The following CEP290 variants were observed in gnomAD, a reference collection of about 807,000 sequenced individuals.
The protein encoded by CEP290 is centrosomal protein 290.
In CEP290, 317 loss-of-function variants were observed where a neutral mutation model predicts 344.9. The observed-to-expected ratio is 0.92, with a 90% CI of 0.84 to 1.01. The LOEUF (loss-of-function observed/expected upper bound fraction) is 1.01. Among genes scored for constraint, CEP290 ranks in the 50% least tolerant of loss-of-function variants. The probability of loss-of-function intolerance (pLI) is 0.00; values close to 1 mark genes in which losing one functional copy is unlikely to be tolerated. For missense variants in CEP290, 2,754 were observed against 2,761.4 expected, an observed-to-expected ratio of 1.00 and a Z score of 0.06; for synonymous variants, 932 against 895.8, an observed-to-expected ratio of 1.04 and a Z score of -0.72.
At chr12:88,106,229 C>A (rs887084722) in intron 25 of CEP290, among the ~76,000 whole-genome samples, 2 of 152,068 alleles carry the variant, frequency 1.3e-5, no homozygotes, top group Non-Finnish European at 2.9e-5. Context: ...ACAAGGGACA[C>A]AGGAACAAGT....
intron 18 of CEP290, chr12:88,116,078 C>T (rs927482648): frequency 1.0e-6 from 1 of 985,076 alleles, no homozygotes; most frequent in African/African-American, 1.7e-5. Context: ...TAAGTGATAA[C>T]TTCTGCATTA....
chr12:88,080,334 A>G lies in CEP290; in HGVS notation c.5074T>C (p.Tyr1692His). The G allele has an allele frequency of 1.2e-6, 2 of 1,613,660 alleles. No individual in the cohort carries two copies. Among genetic ancestry groups the G allele is most frequent in the Non-Finnish European group, 8.5e-7 (1 of 1,179,710 alleles). Residue 1692 changes from tyrosine to histidine, a missense_variant, in exon 38 of 54, where the codon TAT becomes CAT. Transcript: ENST00000552810. ...TCCTTTTGTGACTGGTCCAGAAGAT[A>G]CTTTAAATCCTCTACTTCCGCTTTT... is the stretch of plus-strand genomic sequence containing the variant. ...KVKAEVEDLK[Y>H]LLDQSQKESQ...
In CEP290 at chr12:88,068,509, G is replaced by T. The variant is rs2035112395; in HGVS notation, c.6135+13C>A. On this transcript the variant is annotated intron_variant, in intron 44 of 53. Coordinates refer to ENST00000552810, the MANE Select transcript of CEP290 (RefSeq NM_025114.4). ...TGGAAAAAAGAAAAAAATAATAAAA[G>T]ATATACACTTACTGAAGGCTTAGAA... 1.4e-6 allele frequency: 2 copies of T among 1,456,568 alleles called. No individual in the cohort carries two copies. Among genetic ancestry groups the T allele is most frequent in the East Asian group, 2.5e-5 (1 of 39,350 alleles). The allele number at this position is 1,456,568 out of a possible 1,614,324, so 90.2% of individuals were successfully genotyped here.
intron 43 of CEP290, among the ~76,000 whole-genome samples, chr12:88,070,253 G>A (rs1024451486): frequency 6.6e-6 from 1 of 152,162 alleles, no homozygotes; most frequent in African/African-American, 2.4e-5. Flanking sequence ...GGAGTAGAAG[G>A]CAGATTACAA....
At chr12:88,123,193 T>C (rs2039519809) in intron 13 of CEP290, among the ~76,000 whole-genome samples, 2 of 152,122 alleles carry the variant, frequency 1.3e-5, no homozygotes, top group African/African-American at 4.8e-5. Context: ...CTCCACTTCA[T>C]TGATTCATTA....
chr12:88,059,784 A>T, intron 48 of CEP290, 114 bp downstream of exon 48: 6 of 803,944 alleles, frequency 7.5e-6, no homozygotes, highest in Non-Finnish European at 1.1e-5. Context: ...CAATTCCTCA[A>T]TCTCTTAATA....
intron 22 of CEP290, among the ~76,000 whole-genome samples, chr12:88,109,866 C>T (rs551280094): frequency 1.0e-3 from 154 of 152,146 alleles, no homozygotes; most frequent in Middle Eastern, 3.4e-3. Flanking sequence ...TCAAAAAATA[C>T]GACAATGCCA....
At position 88,087,873 on chromosome 12, in the gene CEP290, C is replaced by A; in HGVS notation, c.4101G>T (p.Lys1367Asn). The A allele has an allele frequency of 8.1e-7, 1 of 1,236,858 alleles. No individual in the cohort carries two copies. The highest frequency in any genetic ancestry group is 1.0e-6 in the Non-Finnish European group (1 of 964,616). The allele number at this position is 1,236,858 out of a possible 1,614,324, so 76.6% of individuals were successfully genotyped here. ...TCAAATATTTTATTTCTTCTTTATC[C>A]TTGACTAATTCCCGATTTAGTTTAA... is the stretch of plus-strand genomic sequence containing the variant. ...QELKLNRELVKDKEEIKYLNN... is the reference protein window; with the variant it reads ...QELKLNRELVNDKEEIKYLNN... The change falls in exon 32 of 54, where the codon AAG becomes AAT. Residue 1367 changes from lysine (K) to asparagine (N), a missense_variant. Lys to Asn is a moderately conservative substitution (Grantham distance 94, BLOSUM62 0). Coordinates refer to ENST00000552810, the MANE Select transcript of CEP290 (RefSeq NM_025114.4).
chr12:88,080,441 T>A, intron 37 of CEP290, 46 bp from the exon 38 acceptor site: 1 of 1,423,052 alleles, frequency 7.0e-7, no homozygotes, highest in Non-Finnish European at 9.7e-7. Flanking sequence ...TAATTTTTAA[T>A]TTTTTTGAGA....
intron 2 of CEP290, 60 bp from the exon 3 acceptor site, chr12:88,141,093 C>T: frequency 7.3e-7 from 1 of 1,373,782 alleles, no homozygotes; most frequent in Non-Finnish European, 9.8e-7. Flanking sequence ...AATATAAGAA[C>T]ACTTCCAGAT....
chr12:88,106,419 T>C (rs998839228), intron 25 of CEP290, among the ~76,000 whole-genome samples: 3 of 152,292 alleles, frequency 2.0e-5, no homozygotes, highest in South Asian at 4.1e-4. Context: ...AGAAAATTAC[T>C]GTCATTTTGT....
At chr12:88,103,390 C>T (rs1332195421) in intron 25 of CEP290, 1 of 155,212 alleles carries the variant, frequency 6.4e-6, no homozygotes, top group Non-Finnish European at 1.4e-5. Flanking sequence ...TTAGCATTAT[C>T]ACAGGTAACT....
At chr12:88,091,466 T>G (rs1330622630) in intron 29 of CEP290, among the ~76,000 whole-genome samples, 2 of 151,508 alleles carry the variant, frequency 1.3e-5, no homozygotes, top group African/African-American at 4.8e-5. Flanking sequence ...ATGAATACTG[T>G]GATAAGCTAA....
chr12:88,135,314 T>A (rs779683265), intron 6 of CEP290, among the ~76,000 whole-genome samples: 1 of 152,136 alleles, frequency 6.6e-6, no homozygotes, highest in Non-Finnish European at 1.5e-5. Flanking sequence ...GACAATAGTC[T>A]AAGATATAAA....
chr12:88,094,295 C>G (rs1427453361), intron 27 of CEP290, among the ~76,000 whole-genome samples: 1 of 151,594 alleles, frequency 6.6e-6, no homozygotes, highest in East Asian at 1.9e-4. Flanking sequence ...TTAAAAATGG[C>G]AAGTAAACAT....
At chr12:88,079,267 G>A in intron 38 of CEP290, 38 bp from the exon 39 acceptor site, 1 of 1,497,846 alleles carries the variant, frequency 6.7e-7, no homozygotes, top group East Asian at 2.5e-5. Context: ...ATTTTTAAAG[G>A]AAAACTGACA....
chr12:88,053,387 T>C (rs1309847897), intron 52 of CEP290, among the ~76,000 whole-genome samples: 1 of 152,142 alleles, frequency 6.6e-6, no homozygotes, highest in African/African-American at 2.4e-5. Flanking sequence ...CTTAGCACTG[T>C]ATTGTGATTA....
chr12:88,082,062 G>A (rs747561077), intron 37 of CEP290, among the ~76,000 whole-genome samples: 1 of 152,182 alleles, frequency 6.6e-6, no homozygotes. Flanking sequence ...AAAGACTCTA[G>A]CAGGGGCTTG....
At chr12:88,121,288 T>C (rs1338764699) in intron 13 of CEP290, 122 bp from the exon 14 acceptor site, 1 of 672,754 alleles carries the variant, frequency 1.5e-6, no homozygotes, top group Non-Finnish European at 2.4e-6. Context: ...AAGTTGTCAT[T>C]TTATATTTGT....
Sources: gnomAD v4.1 joint callset for allele counts (sites outside exome capture counted in the v4.1 genomes callset) on GRCh38, gnomAD v4.1.1 for gene constraint, MANE v1.5 for transcripts, NCBI Gene and HGNC (gene_info 2026-07-23, HGNC 2026-07-21) for gene names.